Variants in DNAJC7 observed in about 807,000 individuals in gnomAD.
The protein encoded by DNAJC7 is DnaJ heat shock protein family (Hsp40) member C7.
A neutral mutation model predicts 67.4 loss-of-function variants in DNAJC7; 18 were observed. The observed-to-expected ratio is 0.27, with a 90% CI of 0.18 to 0.40. The LOEUF (loss-of-function observed/expected upper bound fraction) is 0.40, where lower values mean the gene tolerates loss of function less well. Ranked by LOEUF, DNAJC7 falls within the 10% of genes least tolerant of loss-of-function variation. The pLI is 1.00. For missense variants in DNAJC7, 419 were observed against 613.8 expected, an observed-to-expected ratio of 0.68 and a Z score of 3.35; for synonymous variants, 220 against 207.8, an observed-to-expected ratio of 1.06 and a Z score of -0.50.
At chr17:42,010,300 A>G (rs560401676) in intron 1 of DNAJC7, among the ~76,000 whole-genome samples, 2 of 146,252 alleles carry the variant, frequency 1.4e-5, no homozygotes, top group East Asian at 4.1e-4. Context: ...ACTGACCAAC[A>G]TGGAGAAACC....
At chr17:41,984,827 TC>T (rs1188273025) in intron 9 of DNAJC7, 3 of 151,598 alleles carry the variant, frequency 2.0e-5, no homozygotes, top group African/African-American at 7.3e-5. Flanking sequence ...AAGCCCATTT[TC>T]TTTCTTTTTT....
At chr17:41,992,134 G>A (rs1208935468) in intron 5 of DNAJC7, among the ~76,000 whole-genome samples, 1 of 152,152 alleles carries the variant, frequency 6.6e-6, no homozygotes, top group Non-Finnish European at 1.5e-5. Context: ...CTCTCCTTCA[G>A]TGGCACAGGT....
chr17:41,989,041 G>C (rs545884309), intron 7 of DNAJC7, 145 bp from the exon 8 acceptor site: 2 of 1,013,042 alleles, frequency 2.0e-6, no homozygotes, highest in Admixed American at 5.9e-5. Context: ...TGGGCTATCT[G>C]TTGCTCATTT....
chr17:41,987,026 G>A (rs192270575), intron 9 of DNAJC7, among the ~76,000 whole-genome samples: 3 of 152,232 alleles, frequency 2.0e-5, no homozygotes, highest in African/African-American at 7.2e-5. Flanking sequence ...CTTTAAAGAC[G>A]GGAAGTTTTT....
chr17:41,989,040 T>C, intron 7 of DNAJC7, 144 bp from the exon 8 acceptor site: 1 of 1,013,406 alleles, frequency 9.9e-7, no homozygotes, highest in Non-Finnish European at 1.4e-6. Context: ...CTGGGCTATC[T>C]GTTGCTCATT....
At chr17:42,016,350 G>A (rs2052286394) in intron 1 of DNAJC7, 1 of 152,170 alleles carries the variant, frequency 6.6e-6, no homozygotes, top group Admixed American at 6.5e-5. Context: ...CAACGGGCTT[G>A]GTATGAAGAT....
At chr17:41,995,687 C>T (rs956026173) in intron 4 of DNAJC7, among the ~76,000 whole-genome samples, 1 of 152,174 alleles carries the variant, frequency 6.6e-6, no homozygotes, top group African/African-American at 2.4e-5. Flanking sequence ...TGATTCTGCA[C>T]AATGACAAAA....
chr17:41,987,410 T>C (rs1398019923), intron 9 of DNAJC7: 3 of 156,662 alleles, frequency 1.9e-5, no homozygotes, highest in Non-Finnish European at 4.2e-5. Context: ...TCTCCAAGAG[T>C]TGTTTTCTCT....
rs574613167 is a variant in DNAJC7, at chr17:41,988,287, T to C, written c.919-377A>G. Among the ~76,000 whole-genome samples, 23 of 152,336 alleles carry C rather than the reference T, an allele frequency of 1.5e-4. No individual in the cohort carries two copies. In the East Asian group the frequency reaches 4.2e-3, roughly 28 times the overall value. Reference sequence around the variant, plus strand: ...CAAGGGCAAGGAGTCTACTTTTTGTTTCTGATGTTGGGTAGGGCCACAAAA... The same window carrying C: ...CAAGGGCAAGGAGTCTACTTTTTGTCTCTGATGTTGGGTAGGGCCACAAAA... On this transcript the variant is annotated intron_variant, in intron 8 of 13. Coordinates refer to ENST00000457167, the MANE Select transcript of DNAJC7 (RefSeq NM_003315.4).
chr17:42,000,459 C>A (rs561228827), intron 2 of DNAJC7, 23 bp downstream of exon 2: 2 of 1,540,954 alleles, frequency 1.3e-6, no homozygotes, highest in Non-Finnish European at 8.9e-7. Context: ...TGTTTTCTAG[C>A]GTAAGTATCA....
chr17:41,986,978 G>C (rs1238428925), intron 9 of DNAJC7, among the ~76,000 whole-genome samples: 3 of 152,110 alleles, frequency 2.0e-5, no homozygotes, highest in African/African-American at 7.2e-5. Context: ...AGCAGGTGCT[G>C]GAGGATTAGT....
intron 1 of DNAJC7, among the ~76,000 whole-genome samples, chr17:42,002,549 T>G (rs2051836375): frequency 1.3e-5 from 2 of 152,184 alleles, no homozygotes; most frequent in African/African-American, 4.8e-5. Flanking sequence ...GCCAGGTACT[T>G]TCCATACAGT....
rs369170177 is a variant in DNAJC7 at position 42,017,411 on chromosome 17, C to A, written c.6G>T (p.Ala2=). The change falls in exon 1 of 14, where the codon GCG becomes GCT. Residue 2 remains alanine (A), a synonymous_variant. Coordinates refer to ENST00000457167, the MANE Select transcript of DNAJC7 (RefSeq NM_003315.4). The part of the protein sequence containing the change: M[A]AAAECDVVMA... The stretch of plus-strand genomic sequence containing the variant: ...TTACCACATCGCACTCCGCGGCAGC[C>A]GCCATCTTACCGCCGGGACCAGAGA... 5 of 1,607,606 alleles carry A rather than the reference C, an allele frequency of 3.1e-6. No individual in the cohort carries two copies. The highest frequency in any genetic ancestry group is 4.2e-6 in the Non-Finnish European group (5 of 1,179,852).
rs183700704 is a variant in DNAJC7, at chr17:42,002,308, A to G, written c.78-1738T>C. 2.6e-5 allele frequency among the ~76,000 whole-genome samples: 4 copies of G among 152,344 alleles called. No individual in the cohort carries two copies. In the East Asian group the frequency reaches 7.7e-4, roughly 29 times the overall value. On this transcript the variant is annotated intron_variant, in intron 1 of 13. Coordinates refer to ENST00000457167, the MANE Select transcript of DNAJC7 (RefSeq NM_003315.4). ...CTTCTTCAGTTGGCTAGTGGCTAAG[A>G]ATATACAAATCTTTGAGGAAAACGA...
intron 1 of DNAJC7, chr17:42,016,948 G>A: frequency 6.8e-6 from 8 of 1,176,108 alleles, no homozygotes; most frequent in Non-Finnish European, 8.5e-6. Flanking sequence ...GGAAAGTGCA[G>A]ACAGGCAACA....
intron 2 of DNAJC7, among the ~76,000 whole-genome samples, chr17:41,998,471 A>G (rs1683226355): frequency 6.6e-6 from 1 of 152,206 alleles, no homozygotes; most frequent in Non-Finnish European, 1.5e-5. Flanking sequence ...CTGTCTCAAC[A>G]ATAAATAAAT....
In DNAJC7 at chr17:41,976,605, T is replaced by C. The variant is rs1370733227; in HGVS notation, c.*128A>G. On this transcript the variant is annotated 3_prime_UTR_variant, in exon 14 of 14. Transcript: ENST00000457167. ...ACCCCACTCACAGAGACACAGGGCA[T>C]CCAACTGAGAAAACGAAACTGCTCT... The C allele has an allele frequency of 5.9e-6, 7 of 1,195,634 alleles. No homozygotes were observed. The highest frequency in any genetic ancestry group is 8.1e-6 in the Non-Finnish European group (7 of 864,986). The allele number at this position is 1,195,634 out of a possible 1,614,324, so 74.1% of individuals were successfully genotyped here. A position where few individuals can be genotyped will look rare whatever the true frequency, so the allele number is the denominator to read the frequency against.
chr17:41,987,049 A>G (rs2051402171), intron 9 of DNAJC7, among the ~76,000 whole-genome samples: 1 of 152,158 alleles, frequency 6.6e-6, no homozygotes, highest in Admixed American at 6.5e-5. Flanking sequence ...CCGCCTAGAG[A>G]ATAATCTGAA....
chr17:41,996,669 T>G (rs2051667298), intron 3 of DNAJC7, among the ~76,000 whole-genome samples: 1 of 152,070 alleles, frequency 6.6e-6, no homozygotes, highest in Non-Finnish European at 1.5e-5. Flanking sequence ...TAGCCGGGTG[T>G]GGTGGCATAT....
Sources: gnomAD v4.1 joint callset for allele counts (sites outside exome capture counted in the v4.1 genomes callset) on GRCh38, gnomAD v4.1.1 for gene constraint, MANE v1.5 for transcripts, NCBI Gene and HGNC (gene_info 2026-07-23, HGNC 2026-07-21) for gene names.